IQGAP1: variants seen among roughly 807,000 people sequenced by gnomAD.
IQGAP1 encodes IQ motif containing GTPase activating protein 1.
In IQGAP1, 66 loss-of-function variants were observed where a neutral mutation model predicts 215.6. The ratio of observed to expected loss-of-function variants is 0.31; its 90% CI spans 0.25 to 0.38. The LOEUF is 0.38. Among genes scored for constraint, IQGAP1 ranks in the 10% least tolerant of loss-of-function variants. IQGAP1 has a pLI of 1.00. For missense variants in IQGAP1, 1,712 were observed against 1,997.1 expected, an observed-to-expected ratio of 0.86 and a Z score of 2.72; for synonymous variants, 772 against 728.7, an observed-to-expected ratio of 1.06 and a Z score of -0.96.
At chr15:90,414,846 A>G (rs868573470) in intron 2 of IQGAP1, among the ~76,000 whole-genome samples, 1 of 152,036 alleles carries the variant, frequency 6.6e-6, no homozygotes, top group African/African-American at 2.4e-5. Flanking sequence ...CAAGCTGAAC[A>G]TGTTTCAACC....
intron 8 of IQGAP1, among the ~76,000 whole-genome samples, chr15:90,442,751 T>A (rs899013490): frequency 1.3e-5 from 2 of 151,066 alleles, no homozygotes; most frequent in Non-Finnish European, 3.0e-5. Flanking sequence ...GGCAGATCAC[T>A]TGAGGTTAGG....
At chr15:90,430,572 GA>G (rs994845152) in intron 4 of IQGAP1, among the ~76,000 whole-genome samples, 3 of 152,100 alleles carry the variant, frequency 2.0e-5, no homozygotes, top group Non-Finnish European at 2.9e-5. Flanking sequence ...ATTAAGTGGG[GA>G]AAAACGGTTG....
At chr15:90,469,948 C>T (rs1477365450) in intron 18 of IQGAP1, among the ~76,000 whole-genome samples, 2 of 152,118 alleles carry the variant, frequency 1.3e-5, no homozygotes, top group East Asian at 3.9e-4. Context: ...GCTTGAGGGC[C>T]TAATGTGCTG....
chr15:90,457,249 G>A (rs1216679114), intron 15 of IQGAP1, among the ~76,000 whole-genome samples: 1 of 151,966 alleles, frequency 6.6e-6, no homozygotes, highest in Non-Finnish European at 1.5e-5. Context: ...TACCTTATGT[G>A]CTCTTTTGTG....
chr15:90,439,379 A>G lies in IQGAP1; in HGVS notation c.515A>G (p.Tyr172Cys). The change falls in exon 6 of 38, where the codon TAT (tyrosine) becomes TGT (cysteine). Residue 172 changes from tyrosine (Y) to cysteine (C), a missense_variant. This residue lies in a region of IQGAP1 where 1,021 missense variants were observed against 1,074.2 expected (regional missense o/e 0.95). Coordinates refer to ENST00000268182, the MANE Select transcript of IQGAP1 (RefSeq NM_003870.4). ...LGLAPQIQDL[Y>C]GKVDFTEEEI... ...CTGGCCCCTCAGATTCAAGACCTAT[A>G]TGGAAAGGTTGACTTCACAGGTAAG... 1 of 1,612,858 alleles carries G rather than the reference A, an allele frequency of 6.2e-7. No individual in the cohort carries two copies. Among genetic ancestry groups the G allele is most frequent in the Non-Finnish European group, 8.5e-7 (1 of 1,179,146 alleles).
At chr15:90,499,725 A>G (rs1028127381) in intron 37 of IQGAP1, among the ~76,000 whole-genome samples, 1 of 152,186 alleles carries the variant, frequency 6.6e-6, no homozygotes, top group African/African-American at 2.4e-5. Context: ...ATGTATGATG[A>G]ATTTTGATAT....
chr15:90,422,583 C>T (rs1055731114), intron 2 of IQGAP1, among the ~76,000 whole-genome samples: 2 of 138,060 alleles, frequency 1.4e-5, no homozygotes, highest in African/African-American at 5.4e-5. Context: ...ATAAACATTT[C>T]AGAAATGTTT....
chr15:90,487,719 G>C, intron 33 of IQGAP1, 137 bp downstream of exon 33: 1 of 639,684 alleles, frequency 1.6e-6, no homozygotes. Flanking sequence ...GGGGACAGTG[G>C]TAGTTATGGC....
At chr15:90,457,273 G>A (rs1046932392) in intron 15 of IQGAP1, among the ~76,000 whole-genome samples, 2 of 152,076 alleles carry the variant, frequency 1.3e-5, no homozygotes, top group East Asian at 3.9e-4. Flanking sequence ...GGCTTCTGTT[G>A]CCCTAAATAA....
chr15:90,487,396 G>A, intron 32 of IQGAP1, 99 bp from the exon 33 acceptor site: 1 of 843,484 alleles, frequency 1.2e-6, no homozygotes, highest in African/African-American at 1.8e-5. Flanking sequence ...GGACTTCTGT[G>A]AGGTACTGTT....
At chr15:90,451,655 T>G (rs1255760047) in intron 11 of IQGAP1, among the ~76,000 whole-genome samples, 1 of 151,904 alleles carries the variant, frequency 6.6e-6, no homozygotes, top group Non-Finnish European at 1.5e-5. Flanking sequence ...TAGGGTGATG[T>G]CAGGTATCAG....
At chr15:90,477,044 C>T in intron 24 of IQGAP1, 23 bp from the exon 25 acceptor site, 1 of 1,610,822 alleles carries the variant, frequency 6.2e-7, no homozygotes, top group South Asian at 1.1e-5. Flanking sequence ...CTACAAATGA[C>T]TTATCCCTTG....
At chr15:90,468,506 T>G (rs1031100833) in intron 18 of IQGAP1, among the ~76,000 whole-genome samples, 3 of 152,154 alleles carry the variant, frequency 2.0e-5, no homozygotes, top group Non-Finnish European at 2.9e-5. Context: ...ATTCTTTCCT[T>G]CCCTTTGTAC....
chr15:90,402,824 ATAACATTTAAATAGAAAAAG>A (rs1218744223), intron 2 of IQGAP1, among the ~76,000 whole-genome samples: 1 of 152,244 alleles, frequency 6.6e-6, no homozygotes, highest in Non-Finnish European at 1.5e-5. Flanking sequence ...TAGGAAAAAG[ATAACATTTAAATAGAAAAAG>A]TCTCACAGAT....
intron 2 of IQGAP1, among the ~76,000 whole-genome samples, chr15:90,412,744 C>T (rs558983835): frequency 6.6e-6 from 1 of 152,102 alleles, no homozygotes; most frequent in South Asian, 2.1e-4. Context: ...AGAAAGACAG[C>T]CAAATTTGGG....
At chr15:90,442,556 A>C (rs1965466780) in intron 8 of IQGAP1, among the ~76,000 whole-genome samples, 1 of 152,176 alleles carries the variant, frequency 6.6e-6, no homozygotes, top group Non-Finnish European at 1.5e-5. Flanking sequence ...ATCTCTTATC[A>C]TAGAGCAGGG....
chr15:90,443,328 C>T (rs1255094975), intron 8 of IQGAP1, 66 bp from the exon 9 acceptor site: 20 of 921,894 alleles, frequency 2.2e-5, no homozygotes, highest in Middle Eastern at 2.2e-4. Context: ...GAGGAGCACA[C>T]GTGTATTTAT....
chr15:90,474,734 CTG>C, intron 23 of IQGAP1, 41 bp downstream of exon 23: 3 of 1,458,338 alleles, frequency 2.1e-6, no homozygotes, highest in Non-Finnish European at 2.9e-6. Context: ...ACGGTTCATC[CTG>C]CTTTGTAACC....
intron 26 of IQGAP1, 39 bp downstream of exon 26, chr15:90,477,928 A>G (rs772960650): frequency 7.8e-6 from 10 of 1,290,228 alleles, no homozygotes; most frequent in East Asian, 2.3e-5. Context: ...TCATGTTGTT[A>G]TAGTCTTTCC....
Sources: gnomAD v4.1 joint callset for allele counts (sites outside exome capture counted in the v4.1 genomes callset) on GRCh38, gnomAD v4.1.1 for gene constraint, gnomAD v4.1.1 regional missense constraint, MANE v1.5 for transcripts, NCBI Gene and HGNC (gene_info 2026-07-23, HGNC 2026-07-21) for gene names.